The following RANBP3 variants were observed in gnomAD, a reference collection of about 807,000 sequenced individuals.
RANBP3 encodes the protein RAN binding protein 3.
A neutral mutation model predicts 77.3 loss-of-function variants in RANBP3; 14 were observed. The ratio of observed to expected loss-of-function variants is 0.18; its 90% CI spans 0.12 to 0.28. The LOEUF (loss-of-function observed/expected upper bound fraction) is 0.28. Among genes scored for constraint, RANBP3 ranks in the 10% least tolerant of loss-of-function variants. RANBP3 has a pLI of 1.00. For synonymous variants in RANBP3, 315 were observed against 312.4 expected (o/e 1.01, Z -0.09); for missense variants, 586 against 752.3 (o/e 0.78, Z 2.59).
chr19:5,932,753 A>T lies in RANBP3; in HGVS notation c.473-209T>A. On this transcript the variant is annotated intron_variant, in intron 6 of 16. Coordinates refer to ENST00000340578, the MANE Select transcript of RANBP3 (RefSeq NM_007322.3). Reference sequence around the variant, plus strand: ...TTACATGTGATTACATGAAACTCCCAGTGACCGACGCCTGTGAATTAATCC... The same window carrying T: ...TTACATGTGATTACATGAAACTCCCTGTGACCGACGCCTGTGAATTAATCC... 7.0e-6 allele frequency: 4 copies of T among 571,800 alleles called. 1 individual carries two copies. In the South Asian group the frequency reaches 8.3e-5, roughly 12 times the overall value. 35.4% of individuals were successfully genotyped at this position (571,800 alleles called of 1,614,324 possible). A position where few individuals can be genotyped will look rare whatever the true frequency, so the allele number is the denominator to read the frequency against.
chr19:5,921,944 GA>G lies in RANBP3; in HGVS notation c.1210-624del, dbSNP rs768766559. The stretch of plus-strand genomic sequence containing the variant: ...TGGCTCAGCGAGAGAAGCCAGACAC[GA>G]AAGGCCACATAGTGCGTTGATGCCA... On this transcript the variant is annotated intron_variant, in intron 13 of 16. Transcript: ENST00000340578. This position sits in a 1 kb window ranked among gnomAD's most constrained non-coding sequence, Gnocchi z 5.3. 9.2e-5 allele frequency among the ~76,000 whole-genome samples: 14 copies of G among 152,300 alleles called. No individual in the cohort carries two copies. The highest frequency in any genetic ancestry group is 6.2e-4 in the South Asian group (3 of 4,826).
At chr19:5,939,703 G>A (rs181653699) in intron 5 of RANBP3, among the ~76,000 whole-genome samples, 4 of 152,320 alleles carry the variant, frequency 2.6e-5, no homozygotes, top group East Asian at 3.9e-4. Context: ...TCCCACGGGA[G>A]GAGACGGAAC....
intron 1 of RANBP3, among the ~76,000 whole-genome samples, chr19:5,970,830 T>C (rs534371188): frequency 9.2e-5 from 14 of 152,294 alleles, no homozygotes; most frequent in Non-Finnish European, 1.8e-4. Flanking sequence ...TCGTTCCCAT[T>C]TTACAGATGC....
intron 10 of RANBP3, 84 bp downstream of exon 10, chr19:5,925,550 G>T (rs1355207496): frequency 2.5e-6 from 3 of 1,217,140 alleles, no homozygotes; most frequent in Non-Finnish European, 3.6e-6. Context: ...TCGGGCACGG[G>T]GACCACAGAC....
intron 1 of RANBP3, among the ~76,000 whole-genome samples, chr19:5,965,112 G>A (rs2058451210): frequency 1.3e-5 from 2 of 152,080 alleles, no homozygotes; most frequent in Admixed American, 6.5e-5. Context: ...TCTCCTTGCA[G>A]GGGGCAGTAG....
intron 3 of RANBP3, among the ~76,000 whole-genome samples, chr19:5,946,100 C>T (rs2058200971): frequency 6.6e-6 from 1 of 152,178 alleles, no homozygotes; most frequent in Non-Finnish European, 1.5e-5. Flanking sequence ...CGCCCTCCCT[C>T]CAGGTCCCTG....
chr19:5,972,936 C>T (rs1479762703), intron 1 of RANBP3, among the ~76,000 whole-genome samples: 1 of 152,188 alleles, frequency 6.6e-6, no homozygotes, highest in Non-Finnish European at 1.5e-5. Context: ...AGGCTGAAGG[C>T]TTGTTTGAAA....
chr19:5,928,683 C>G (rs901544459), intron 8 of RANBP3, among the ~76,000 whole-genome samples: 2 of 152,008 alleles, frequency 1.3e-5, no homozygotes, highest in South Asian at 4.1e-4. Flanking sequence ...GGAGGTTACC[C>G]GGGAACCTCT....
intron 2 of RANBP3, among the ~76,000 whole-genome samples, chr19:5,956,709 A>G (rs2058338803): frequency 6.6e-6 from 1 of 152,158 alleles, no homozygotes; most frequent in African/African-American, 2.4e-5. Flanking sequence ...GAGCACTTCA[A>G]CATTGCTCAG....
At chr19:5,975,194 T>C (rs1014942131) in intron 1 of RANBP3, among the ~76,000 whole-genome samples, 4 of 152,182 alleles carry the variant, frequency 2.6e-5, no homozygotes, top group Non-Finnish European at 4.4e-5. Context: ...CAATGACTGA[T>C]TGAAGGACGG....
At chr19:5,948,222 C>T (rs535547277) in intron 3 of RANBP3, among the ~76,000 whole-genome samples, 2 of 151,824 alleles carry the variant, frequency 1.3e-5, no homozygotes, top group African/African-American at 2.4e-5. Flanking sequence ...AGGCCGAGGT[C>T]GGCGGATCAC....
At chr19:5,953,742 A>G (rs1292996683) in intron 2 of RANBP3, among the ~76,000 whole-genome samples, 1 of 152,224 alleles carries the variant, frequency 6.6e-6, no homozygotes, top group Non-Finnish European at 1.5e-5. Context: ...TTTGCCCCGG[A>G]AACAATGGTG....
intron 14 of RANBP3, chr19:5,920,960 C>T (rs1599717247): frequency 5.7e-6 from 2 of 353,370 alleles, no homozygotes; most frequent in East Asian, 9.6e-5. Context: ...AGACTTTTGT[C>T]CATTTTGACA....
chr19:5,944,861 G>A (rs1435531548), intron 3 of RANBP3, among the ~76,000 whole-genome samples: 1 of 152,172 alleles, frequency 6.6e-6, no homozygotes, highest in East Asian at 1.9e-4. Context: ...AATCCAACGA[G>A]CCTTTCAACT....
chr19:5,969,706 G>A (rs1369114939), intron 1 of RANBP3, among the ~76,000 whole-genome samples: 1 of 152,258 alleles, frequency 6.6e-6, no homozygotes, highest in Non-Finnish European at 1.5e-5. Context: ...AGCCCTACCT[G>A]CTTCCATGGC....
intron 1 of RANBP3, among the ~76,000 whole-genome samples, chr19:5,968,749 C>T (rs562264068): frequency 2.0e-5 from 3 of 152,174 alleles, no homozygotes; most frequent in Non-Finnish European, 2.9e-5. Flanking sequence ...CAGGCCGAGC[C>T]GAGCAGCCAA....
intron 2 of RANBP3, among the ~76,000 whole-genome samples, chr19:5,954,485 T>A (rs560571668): frequency 6.6e-6 from 1 of 152,070 alleles, no homozygotes; most frequent in South Asian, 2.1e-4. Context: ...AGGGCAGAAA[T>A]GTCACATGGG....
At chr19:5,970,751 C>T (rs1179037029) in intron 1 of RANBP3, among the ~76,000 whole-genome samples, 2 of 152,192 alleles carry the variant, frequency 1.3e-5, no homozygotes, top group African/African-American at 4.8e-5. Context: ...CATGTATCTC[C>T]ACATTCCAGT....
chr19:5,937,760 C>T (rs1272144061), intron 5 of RANBP3, among the ~76,000 whole-genome samples: 1 of 63,680 alleles, frequency 1.6e-5, no homozygotes, highest in Non-Finnish European at 2.9e-5. Context: ...GCCTGCGAAA[C>T]AGCTGCCCTG....
Sources: gnomAD v4.1 joint callset for allele counts (sites outside exome capture counted in the v4.1 genomes callset) on GRCh38, gnomAD v4.1.1 for gene constraint, Gnocchi (gnomAD v3.1) non-coding constraint, MANE v1.5 for transcripts, NCBI Gene and HGNC (gene_info 2026-07-23, HGNC 2026-07-21) for gene names.